Variants in FHIT observed in about 807,000 individuals in gnomAD.
The protein encoded by FHIT is bis(5'-adenosyl)-triphosphatase.
In FHIT, 19 loss-of-function variants were observed where a neutral mutation model predicts 17.9. That is an observed-to-expected ratio of 1.06 (90% CI 0.74 to 1.56). FHIT has a LOEUF of 1.56. Ranked by LOEUF, FHIT falls within the 40% of genes most tolerant of loss-of-function variation. The pLI is 0.00. For missense variants in FHIT, 248 were observed against 189.2 expected, an observed-to-expected ratio of 1.31 and a Z score of -1.82; for synonymous variants, 81 against 69.7, an observed-to-expected ratio of 1.16 and a Z score of -0.81.
At chr3:61,209,591 C>T (rs2039384194) in intron 1 of FHIT, among the ~76,000 whole-genome samples, 2 of 152,086 alleles carry the variant, frequency 1.3e-5, no homozygotes, top group African/African-American at 2.4e-5. Context: ...CCCTTTCTTC[C>T]AGTTGATCGC....
At position 60,695,282 on chromosome 3, in the gene FHIT, G is replaced by A. The variant is rs138107990; in HGVS notation, c.-18+126637C>T. 3.9e-3 allele frequency among the ~76,000 whole-genome samples: 594 copies of A among 152,178 alleles called. 5 individuals carry two copies. The highest frequency in any genetic ancestry group is 5.7e-3 in the Non-Finnish European group (385 of 67,984). On this transcript the variant is annotated intron_variant, in intron 4 of 9. Coordinates refer to ENST00000492590, the MANE Select transcript of FHIT (RefSeq NM_002012.4). ...GTGGTGGCGGGTACCTGTAATCTCA[G>A]CTACTTGGGAGGCTGAAGCAGGAGA... is the stretch of plus-strand genomic sequence containing the variant.
At chr3:59,908,005 G>A (rs116788914) in intron 8 of FHIT, among the ~76,000 whole-genome samples, 1,747 of 152,226 alleles carry the variant, frequency 0.011, 34 homozygotes, top group African/African-American at 0.038. Flanking sequence ...TGATTATATT[G>A]AGTCCACTTG....
intron 3 of FHIT, among the ~76,000 whole-genome samples, chr3:60,973,489 T>C (rs1270575354): frequency 6.6e-6 from 1 of 152,186 alleles, no homozygotes; most frequent in African/African-American, 2.4e-5. Context: ...AACTTACATC[T>C]CTGTGGCTCC....
At chr3:60,449,951 C>T (rs1255626272) in intron 5 of FHIT, among the ~76,000 whole-genome samples, 1 of 136,498 alleles carries the variant, frequency 7.3e-6, no homozygotes, top group African/African-American at 2.9e-5. Context: ...TGCAATAAAC[C>T]GAGATCGGGG....
At chr3:60,580,873 C>T (rs1458617422) in intron 4 of FHIT, among the ~76,000 whole-genome samples, 6 of 151,954 alleles carry the variant, frequency 3.9e-5, no homozygotes, top group East Asian at 3.9e-4. Flanking sequence ...TGTATGACAG[C>T]GAAGTGGTAG....
intron 4 of FHIT, among the ~76,000 whole-genome samples, chr3:60,806,538 C>A (rs1445850239): frequency 1.3e-5 from 2 of 152,202 alleles, no homozygotes; most frequent in Non-Finnish European, 2.9e-5. Flanking sequence ...TGTTTTAAAT[C>A]ACTAATTTCC....
chr3:59,988,401 T>G (rs756052985), intron 7 of FHIT, among the ~76,000 whole-genome samples: 4 of 152,116 alleles, frequency 2.6e-5, no homozygotes, highest in Admixed American at 6.6e-5. Context: ...ATGTGTAACA[T>G]GATCGAATAA....
intron 4 of FHIT, among the ~76,000 whole-genome samples, chr3:60,580,102 A>G (rs72887608): frequency 0.032 from 4,907 of 152,266 alleles, 255 homozygotes; most frequent in African/African-American, 0.11. Context: ...CCAAGAGACA[A>G]AAACTGTATC....
At chr3:60,283,534 T>C (rs1005246099) in intron 5 of FHIT, among the ~76,000 whole-genome samples, 3 of 152,090 alleles carry the variant, frequency 2.0e-5, no homozygotes, top group African/African-American at 7.2e-5. Context: ...TTTTAACACA[T>C]CTCAAATGTA....
chr3:60,205,804 T>C (rs1220325321), intron 5 of FHIT, among the ~76,000 whole-genome samples: 3 of 152,078 alleles, frequency 2.0e-5, no homozygotes, highest in Non-Finnish European at 4.4e-5. Flanking sequence ...AAACTTACTT[T>C]ATGTCTTAAA....
At chr3:60,724,070 G>T (rs1182126328) in intron 4 of FHIT, among the ~76,000 whole-genome samples, 1 of 151,988 alleles carries the variant, frequency 6.6e-6, no homozygotes, top group Non-Finnish European at 1.5e-5. Flanking sequence ...GTGCAACCAC[G>T]ACCACAATCA....
chr3:60,326,123 A>AT (rs1025700867), intron 5 of FHIT, among the ~76,000 whole-genome samples: 12 of 151,470 alleles, frequency 7.9e-5, no homozygotes, highest in African/African-American at 2.9e-4. Flanking sequence ...ATGGAAGACA[A>AT]TTTTTCCACA....
At chr3:60,187,377 G>C (rs371277318) in intron 5 of FHIT, among the ~76,000 whole-genome samples, 59 of 152,332 alleles carry the variant, frequency 3.9e-4, no homozygotes, top group African/African-American at 8.2e-4. Flanking sequence ...TGTCCTCTGA[G>C]GACCGAAGTA....
intron 5 of FHIT, among the ~76,000 whole-genome samples, chr3:60,142,346 G>A (rs889486907): frequency 3.9e-5 from 6 of 152,140 alleles, no homozygotes; most frequent in African/African-American, 1.4e-4. Flanking sequence ...GAGGAAAGAA[G>A]TATTCAATAA....
intron 3 of FHIT, chr3:60,856,612 G>C (rs922014653): frequency 6.6e-6 from 1 of 152,054 alleles, no homozygotes; most frequent in African/African-American, 2.4e-5. Context: ...TCTTCAAAGT[G>C]ATCTTTTAAA....
At chr3:60,218,312 A>C (rs529353317) in intron 5 of FHIT, among the ~76,000 whole-genome samples, 2 of 152,270 alleles carry the variant, frequency 1.3e-5, no homozygotes, top group African/African-American at 4.8e-5. Context: ...GTAGGAAACA[A>C]AGCTTTCAAG....
At chr3:60,948,432 C>T (rs1553776255) in intron 3 of FHIT, among the ~76,000 whole-genome samples, 1 of 152,098 alleles carries the variant, frequency 6.6e-6, no homozygotes, top group African/African-American at 2.4e-5. Flanking sequence ...TCTTGCTTTC[C>T]CCTTTAGTTT....
chr3:60,095,062 C>G (rs767502415), intron 5 of FHIT, among the ~76,000 whole-genome samples: 5 of 152,074 alleles, frequency 3.3e-5, no homozygotes, highest in Non-Finnish European at 7.4e-5. Flanking sequence ...TTTGAATGCT[C>G]ACAACACCAA....
chr3:60,995,105 G>A lies in FHIT; in HGVS notation c.-111+46942C>T, dbSNP rs546630434. On this transcript the variant is annotated intron_variant, in intron 3 of 9. Transcript: ENST00000492590. ...GGAGGCCGAGGCGGGCGGATCACGA[G>A]GTCAGGAGATCGAGACCATCCTGGC... Among the ~76,000 whole-genome samples the A allele has an allele frequency of 8.6e-4, 131 of 152,224 alleles. 1 individual carries two copies. In the South Asian group the frequency reaches 0.015, roughly 17 times the overall value.
Sources: gnomAD v4.1 joint callset for allele counts (sites outside exome capture counted in the v4.1 genomes callset) on GRCh38, gnomAD v4.1.1 for gene constraint, MANE v1.5 for transcripts, NCBI Gene and HGNC (gene_info 2026-07-23, HGNC 2026-07-21) for gene names.